Variants in TXNRD2 observed in about 807,000 individuals in gnomAD.
TXNRD2 encodes thioredoxin reductase 2, also known as thioredoxin reductase 2, mitochondrial.
A neutral mutation model predicts 70.8 loss-of-function variants in TXNRD2; 67 were observed. That is an observed-to-expected ratio of 0.95 (90% CI 0.78 to 1.16). The LOEUF is 1.16. TXNRD2 is among the 50% of genes most tolerant of loss of function. The pLI is 0.00. For missense variants in TXNRD2, 644 were observed against 719.9 expected (o/e 0.89, Z 1.21); for synonymous variants, 301 against 295.8 (o/e 1.02, Z -0.18).
intron 10 of TXNRD2, among the ~76,000 whole-genome samples, chr22:19,896,291 C>T (rs546656116): frequency 1.3e-5 from 2 of 150,956 alleles, no homozygotes; most frequent in South Asian, 4.2e-4. Flanking sequence ...GAGTGAGACT[C>T]TGTCTCAAAC....
Position 19,918,885 on chromosome 22 carries a change from C to T in TXNRD2, c.349G>A (p.Val117Met), listed in dbSNP as rs1390976636. ...CAGTCATGCGGCACGGGCTGGGCCA[C>T]CTCCCAGCCATAGTTGGGGGCATCT... is the stretch of plus-strand genomic sequence containing the variant. ...IQDAPNYGWE[V>M]AQPVPHDWRK... The change falls in exon 4 of 18, where the codon GTG becomes ATG. Residue 117 changes from valine (V) to methionine (M), a missense_variant. Physicochemically the swap from Val to Met is conservative, Grantham distance 21. Around this residue, in one of 3 missense-constraint regions of TXNRD2, gnomAD observed 566 missense variants for 645.0 expected, o/e 0.88. Transcript: ENST00000400521. 2 of 1,611,364 alleles carry T rather than the reference C, an allele frequency of 1.2e-6. No homozygotes were observed. Among genetic ancestry groups the T allele is most frequent in the Admixed American group, 1.7e-5 (1 of 60,008 alleles).
rs529411805 is a variant in TXNRD2 at position 19,911,459 on chromosome 22, G to C, written c.592-12C>G. ...AAGGCACCTTCGATCTGTCAAGACA[G>C]AAATGACCCCTTGGACAAGAGCTCC... On this transcript the variant is annotated splice_polypyrimidine_tract_variant and intron_variant, in intron 7 of 17. Transcript: ENST00000400521. 5.6e-6 allele frequency: 9 copies of C among 1,610,586 alleles called. No homozygotes were observed. Among genetic ancestry groups the C allele is most frequent in the South Asian group, 2.2e-5 (2 of 91,020 alleles).
At chr22:19,880,914 T>C in intron 12 of TXNRD2, 197 bp from the exon 13 acceptor site, 1 of 598,794 alleles carries the variant, frequency 1.7e-6, no homozygotes, top group East Asian at 2.8e-5. Context: ...GGTAGGTTGC[T>C]CATTCTCCTG....
At chr22:19,897,106 C>T (rs1286791250) in intron 10 of TXNRD2, among the ~76,000 whole-genome samples, 1 of 152,220 alleles carries the variant, frequency 6.6e-6, no homozygotes, top group African/African-American at 2.4e-5. Context: ...GTCCCTACCA[C>T]AGGGCTCGGT....
chr22:19,933,350 C>T (rs112146764), intron 1 of TXNRD2: 281 of 929,514 alleles, frequency 3.0e-4, no homozygotes, highest in Non-Finnish European at 3.8e-4. Flanking sequence ...CCAGGTCCCC[C>T]GGGGAGCATG....
intron 1 of TXNRD2, among the ~76,000 whole-genome samples, chr22:19,935,932 T>G (rs1415323119): frequency 6.6e-6 from 1 of 152,210 alleles, no homozygotes; most frequent in Non-Finnish European, 1.5e-5. Flanking sequence ...GGGGTAACTA[T>G]GGGTCACGCA....
chr22:19,929,305 C>A (rs1941271586), intron 2 of TXNRD2, among the ~76,000 whole-genome samples: 2 of 124,230 alleles, frequency 1.6e-5, no homozygotes, highest in African/African-American at 3.1e-5. Context: ...CCAGCCTGGG[C>A]AACAGAGCGA....
intron 11 of TXNRD2, among the ~76,000 whole-genome samples, chr22:19,888,682 C>A (rs910422503): frequency 6.6e-6 from 1 of 151,924 alleles, no homozygotes; most frequent in Non-Finnish European, 1.5e-5. Flanking sequence ...CGATGCGAGG[C>A]GGGCACGGCT....
intron 1 of TXNRD2, among the ~76,000 whole-genome samples, chr22:19,939,968 G>A (rs1352810146): frequency 6.6e-6 from 1 of 152,164 alleles, no homozygotes; most frequent in African/African-American, 2.4e-5. Flanking sequence ...ACTCGGCTGG[G>A]CGCAGTGGCT....
intron 3 of TXNRD2, 59 bp downstream of exon 3, chr22:19,919,484 C>G (rs1355532458): frequency 1.3e-6 from 2 of 1,502,760 alleles, no homozygotes; most frequent in East Asian, 2.5e-5. Context: ...TGTACAGGAA[C>G]TGGGCCCACC....
At chr22:19,931,766 G>A (rs12158192) in intron 1 of TXNRD2, among the ~76,000 whole-genome samples, 2,811 of 152,156 alleles carry the variant, frequency 0.018, 83 homozygotes, top group African/African-American at 0.063. Context: ...GCCTCCCAAG[G>A]TGCTAGAATT....
chr22:19,880,830 C>T lies in TXNRD2; in HGVS notation c.1087-113G>A, dbSNP rs895126658. The T allele has an allele frequency of 2.1e-5, 15 of 717,126 alleles. No individual in the cohort carries two copies. In the Admixed American group the frequency reaches 3.0e-4, roughly 14 times the overall value. 44.4% of individuals were successfully genotyped at this position (717,126 alleles called of 1,614,324 possible). A position where few individuals can be genotyped will look rare whatever the true frequency, so the allele number is the denominator to read the frequency against. On this transcript the variant is annotated intron_variant, in intron 12 of 17. Transcript: ENST00000400521. ...GCATCTCCCTTTAGAAAATCCCCAACACTGGCACCGAGCATGGTGACGTAC... is the reference window on the plus strand; with the variant it reads ...GCATCTCCCTTTAGAAAATCCCCAATACTGGCACCGAGCATGGTGACGTAC...
chr22:19,879,624 G>C (rs1439543284), intron 14 of TXNRD2, among the ~76,000 whole-genome samples: 4 of 151,484 alleles, frequency 2.6e-5, no homozygotes, highest in African/African-American at 9.7e-5. Flanking sequence ...GTGGTGGGGG[G>C]GGTGGGGGTG....
chr22:19,919,333 G>A (rs1204284958), intron 3 of TXNRD2, among the ~76,000 whole-genome samples: 2 of 149,246 alleles, frequency 1.3e-5, no homozygotes, highest in Non-Finnish European at 3.0e-5. Context: ...AAAGTGCTGT[G>A]AGTACAGGCG....
intron 9 of TXNRD2, 75 bp downstream of exon 9, chr22:19,898,974 C>T: frequency 5.7e-6 from 9 of 1,580,496 alleles, no homozygotes; most frequent in Middle Eastern, 1.7e-4. Context: ...GCCGGAAGGG[C>T]GGGTGGCAGG....
At chr22:19,909,889 A>ACACACACCAGT (rs756509832) in intron 8 of TXNRD2, among the ~76,000 whole-genome samples, 1 of 40,008 alleles carries the variant, frequency 2.5e-5, no homozygotes. Context: ...CACACCACTC[A>ACACACACCAGT]CACACACACA....
chr22:19,883,540 A>T, intron 11 of TXNRD2, 79 bp from the exon 12 acceptor site: 1 of 1,601,628 alleles, frequency 6.2e-7, no homozygotes, highest in Non-Finnish European at 8.5e-7. Flanking sequence ...ACTGTTTCTC[A>T]GAATGTCCAC....
intron 11 of TXNRD2, 160 bp from the exon 12 acceptor site, chr22:19,883,621 T>C: frequency 3.1e-6 from 3 of 978,704 alleles, no homozygotes; most frequent in Non-Finnish European, 4.7e-6. Context: ...GCAAATCACC[T>C]GAGGTCATGA....
At chr22:19,892,907 A>G (rs1939330723) in intron 11 of TXNRD2, among the ~76,000 whole-genome samples, 1 of 152,188 alleles carries the variant, frequency 6.6e-6, no homozygotes. Context: ...ATCATAATAA[A>G]CTTACTTAAA....
Sources: gnomAD v4.1 joint callset for allele counts (sites outside exome capture counted in the v4.1 genomes callset) on GRCh38, gnomAD v4.1.1 for gene constraint, gnomAD v4.1.1 regional missense constraint, MANE v1.5 for transcripts, NCBI Gene and HGNC (gene_info 2026-07-23, HGNC 2026-07-21) for gene names.